The following C8orf34 variants were observed in gnomAD, a reference collection of about 807,000 sequenced individuals.
C8orf34 encodes chromosome 8 open reading frame 34, also known as uncharacterized protein C8orf34.
C8orf34 carries 65 observed loss-of-function variants against 68.3 expected under a neutral mutation model. That is an observed-to-expected ratio of 0.95 (90% CI 0.78 to 1.17). C8orf34 has a LOEUF of 1.17. Among genes scored for constraint, C8orf34 ranks in the 50% most tolerant of loss-of-function variants. The pLI is 0.00. For synonymous variants in C8orf34, 244 were observed against 241.2 expected (o/e 1.01, Z -0.11); for missense variants, 664 against 655.4 (o/e 1.01, Z -0.14).
intron 9 of C8orf34, 76 bp from the exon 10 acceptor site, chr8:68,721,285 A>G (rs144820968): frequency 2.1e-5 from 20 of 931,092 alleles, no homozygotes; most frequent in Non-Finnish European, 2.8e-5. Context: ...TATTCTTCTC[A>G]CAACAGGTTT....
At chr8:68,459,733 A>G (rs142383526) in intron 3 of C8orf34, among the ~76,000 whole-genome samples, 326 of 152,334 alleles carry the variant, frequency 2.1e-3, no homozygotes, top group African/African-American at 7.0e-3. Context: ...CACTATTCAC[A>G]ATAGAAAAGA....
intron 7 of C8orf34, chr8:68,535,456 G>A (rs750968056): frequency 8.6e-5 from 84 of 971,392 alleles, no homozygotes; most frequent in Admixed American, 6.2e-4. Context: ...AGGTATAATT[G>A]TTAGTTGACA....
rs747862590 is a variant in C8orf34, at chr8:68,575,956, G to GGTTTTTTTTTTTTTTTTTTTTTT, written c.1105+42807_1105+42808insGTTTTTTTTTTTTTTTTTTTTTT. ...GCTGACATAATGCTAGTAGATGGTT[G>GGTTTTTTTTTTTTTTTTTTTTTT]TTTTTTTTTTTTTTTTTTTTTGCCT... On this transcript the variant is annotated intron_variant, in intron 7 of 13. Transcript: ENST00000518698. 3.1e-5 allele frequency among the ~76,000 whole-genome samples: 3 copies of GGTTTTTTTTTTTTTTTTTTTTTT among 96,348 alleles called. 1 individual carries two copies. Among genetic ancestry groups the GGTTTTTTTTTTTTTTTTTTTTTT allele is most frequent in the Admixed American group, 1.2e-4 (1 of 8,240 alleles). 63.2% of individuals were successfully genotyped at this position (96,348 alleles called of 152,430 possible).
intron 5 of C8orf34, among the ~76,000 whole-genome samples, chr8:68,507,341 A>T (rs1028874259): frequency 6.6e-6 from 1 of 152,194 alleles, no homozygotes; most frequent in African/African-American, 2.4e-5. Flanking sequence ...CTCTATATTA[A>T]AAAAGACAGT....
chr8:68,576,210 CT>C (rs1816902220), intron 7 of C8orf34, among the ~76,000 whole-genome samples: 1 of 151,620 alleles, frequency 6.6e-6, no homozygotes, highest in African/African-American at 2.4e-5. Context: ...TGTTATCCAT[CT>C]GCTTATCTAG....
intron 11 of C8orf34, among the ~76,000 whole-genome samples, chr8:68,785,138 A>C (rs1194137714): frequency 6.6e-6 from 1 of 151,846 alleles, no homozygotes; most frequent in African/African-American, 2.4e-5. Flanking sequence ...TGGGCCCTGG[A>C]GGTTAAGGTG....
chr8:68,567,430 G>A (rs903867245), intron 7 of C8orf34, among the ~76,000 whole-genome samples: 5 of 151,798 alleles, frequency 3.3e-5, no homozygotes, highest in African/African-American at 9.7e-5. Context: ...TGGTAGCCTC[G>A]AATGATGTTT....
rs114322221 is a variant in C8orf34, at chr8:68,595,488, A to G, written c.1106-44888A>G. Among the ~76,000 whole-genome samples the G allele has an allele frequency of 3.7e-3, 561 of 152,066 alleles. 3 individuals are homozygous for G. The highest frequency in any genetic ancestry group is 0.013 in the African/African-American group (533 of 41,522). On this transcript the variant is annotated intron_variant, in intron 7 of 13. Coordinates refer to ENST00000518698, the MANE Select transcript of C8orf34 (RefSeq NM_052958.4). ...TAGATAATCTATTTTTTGTCTCTCA[A>G]TGCTTTTAGAATTTTCTTTGCTCTC... is the stretch of plus-strand genomic sequence containing the variant.
intron 1 of C8orf34, among the ~76,000 whole-genome samples, chr8:68,374,333 G>C (rs1807699061): frequency 6.6e-6 from 1 of 151,972 alleles, no homozygotes; most frequent in Non-Finnish European, 1.5e-5. Flanking sequence ...AGGTAAGATG[G>C]GAGCTTTTAA....
At chr8:68,534,106 A>C in intron 7 of C8orf34, 1 of 982,648 alleles carries the variant, frequency 1.0e-6, no homozygotes, top group Non-Finnish European at 1.2e-6. Flanking sequence ...GTAAAATACT[A>C]TCATTATAAA....
intron 5 of C8orf34, among the ~76,000 whole-genome samples, chr8:68,504,421 T>C (rs1272489880): frequency 6.6e-6 from 1 of 152,194 alleles, no homozygotes; most frequent in African/African-American, 2.4e-5. Context: ...GGACATGTCG[T>C]TTCATTTCTT....
chr8:68,792,075 T>G (rs1356120643), intron 12 of C8orf34: 1 of 152,138 alleles, frequency 6.6e-6, no homozygotes, highest in African/African-American at 2.4e-5. Flanking sequence ...TGTGTAAATG[T>G]AAGAACTGGG....
chr8:68,714,215 C>G (rs1821405377), intron 9 of C8orf34, among the ~76,000 whole-genome samples: 1 of 152,060 alleles, frequency 6.6e-6, no homozygotes, highest in Non-Finnish European at 1.5e-5. Flanking sequence ...AAGCATTCTC[C>G]CTGAGACCGG....
At chr8:68,613,579 G>A (rs1164693581) in intron 7 of C8orf34, among the ~76,000 whole-genome samples, 1 of 151,750 alleles carries the variant, frequency 6.6e-6, no homozygotes, top group Non-Finnish European at 1.5e-5. Context: ...TGAGAATGAT[G>A]ATTTCCAATT....
chr8:68,797,786 G>T (rs552517691), intron 12 of C8orf34, among the ~76,000 whole-genome samples: 1 of 152,164 alleles, frequency 6.6e-6, no homozygotes, highest in Non-Finnish European at 1.5e-5. Context: ...AGTCAATTAG[G>T]TCAGATAAGT....
intron 8 of C8orf34, among the ~76,000 whole-genome samples, chr8:68,649,113 G>T (rs1336025427): frequency 6.6e-6 from 1 of 151,954 alleles, no homozygotes; most frequent in Non-Finnish European, 1.5e-5. Context: ...AATGGATAAG[G>T]ACAAAAAAGG....
In C8orf34 at chr8:68,331,144, C is replaced by G. The variant is rs528666239; in HGVS notation, c.132C>G (p.His44Gln). ...THARGRGRASHAGQPRLRSSC... is the reference protein window; with the variant it reads ...THARGRGRASQAGQPRLRSSC... ...CCCGCGGCCGGGGCCGAGCCAGCCA[C>G]GCAGGGCAGCCGAGGCTCCGGAGCT... Residue 44 changes from histidine (H) to glutamine (Q), a missense_variant, in exon 1 of 14, where the codon CAC becomes CAG. Transcript: ENST00000518698. 1 of 1,525,694 alleles carries G rather than the reference C, an allele frequency of 6.6e-7. No homozygotes were observed. Among genetic ancestry groups the G allele is most frequent in the Non-Finnish European group, 8.8e-7 (1 of 1,140,676 alleles). 94.5% of individuals were successfully genotyped at this position (1,525,694 alleles called of 1,614,324 possible). A position where few individuals can be genotyped will look rare whatever the true frequency, so the allele number is the denominator to read the frequency against.
intron 1 of C8orf34, among the ~76,000 whole-genome samples, chr8:68,435,872 A>G (rs957537122): frequency 6.6e-6 from 1 of 152,200 alleles, no homozygotes; most frequent in Non-Finnish European, 1.5e-5. Context: ...CACATCTAAT[A>G]GATGGAATAT....
chr8:68,708,972 A>G (rs1311990762), intron 8 of C8orf34, 22 bp from the exon 9 acceptor site: 1 of 1,540,568 alleles, frequency 6.5e-7, no homozygotes, highest in Admixed American at 1.7e-5. Flanking sequence ...AGATGTTTCA[A>G]TGATCATTTT....
Sources: allele counts gnomAD v4.1 joint callset (sites outside exome capture counted in the v4.1 genomes callset), GRCh38; gene constraint gnomAD v4.1.1; transcripts MANE v1.5; gene names NCBI Gene and HGNC (gene_info 2026-07-23, HGNC 2026-07-21).